The following WLS variants were observed in gnomAD, a reference collection of about 807,000 sequenced individuals.
The protein encoded by WLS is Wnt ligand secretion mediator, also known as protein wntless homolog.
Under a neutral mutation model 62.8 loss-of-function variants are expected in WLS, and 23 were observed. The ratio of observed to expected loss-of-function variants is 0.37; its 90% CI spans 0.26 to 0.52. The LOEUF (loss-of-function observed/expected upper bound fraction) is 0.52. WLS is among the 20% of genes least tolerant of loss of function. The pLI, the probability that WLS is intolerant of heterozygous loss-of-function variation, is 0.92. For synonymous variants in WLS, 246 were observed against 244.1 expected, an observed-to-expected ratio of 1.01 and a Z score of -0.07; for missense variants, 615 against 697.3, an observed-to-expected ratio of 0.88 and a Z score of 1.33.
intron 2 of WLS, among the ~76,000 whole-genome samples, chr1:68,173,340 C>G (rs1460153137): frequency 6.6e-6 from 1 of 152,128 alleles, no homozygotes; most frequent in East Asian, 1.9e-4. Flanking sequence ...TGCTTTCTCT[C>G]CAGGACACTG....
At chr1:68,103,096 G>A (rs753508578) in intron 11 of WLS, among the ~76,000 whole-genome samples, 2 of 152,104 alleles carry the variant, frequency 1.3e-5, no homozygotes, top group South Asian at 2.1e-4. Flanking sequence ...CCTGCCTAGC[G>A]CTCTTTCTGC....
chr1:68,169,125 CAT>C (rs1210351054), intron 2 of WLS, among the ~76,000 whole-genome samples: 1 of 152,200 alleles, frequency 6.6e-6, no homozygotes, highest in Non-Finnish European at 1.5e-5. Context: ...TGTAAGAAAA[CAT>C]ATTTCTAAGC....
At position 68,159,229 on chromosome 1, in the gene WLS, G is replaced by C; in HGVS notation, c.398C>G (p.Ser133Cys). 1 of 1,613,880 alleles carries C rather than the reference G, an allele frequency of 6.2e-7. No homozygotes were observed. Among genetic ancestry groups the C allele is most frequent in the Non-Finnish European group, 8.5e-7 (1 of 1,179,940 alleles). Residue 133 changes from serine (S) to cysteine (C), a missense_variant, in exon 3 of 12, where the codon TCC becomes TGC. Ser to Cys is a moderately radical substitution (Grantham distance 112). Coordinates refer to ENST00000262348, the MANE Select transcript of WLS (RefSeq NM_024911.7). ...ACGGTAAGCCAGGGAAACGTCCATG[G>C]AGACTTCTGCATTTTCTCCTGCAAG... is the stretch of plus-strand genomic sequence containing the variant. ...NNQIRENAEV[S>C]MDVSLAYRDD... is the part of the protein sequence containing the mutation.
chr1:68,210,560 T>C (rs150481563), intron 1 of WLS, among the ~76,000 whole-genome samples: 3 of 152,260 alleles, frequency 2.0e-5, no homozygotes, highest in African/African-American at 7.2e-5. Context: ...GTCGCTAAAA[T>C]AGAAAGATCC....
chr1:68,183,991 G>T (rs1570969317), intron 2 of WLS, among the ~76,000 whole-genome samples: 1 of 152,088 alleles, frequency 6.6e-6, no homozygotes. Context: ...GGATCAAGGC[G>T]AAACATAATG....
chr1:68,225,660 G>C (rs536265338), intron 1 of WLS, among the ~76,000 whole-genome samples: 6 of 152,100 alleles, frequency 3.9e-5, no homozygotes, highest in Admixed American at 6.5e-5. Flanking sequence ...AAAGGCCCTC[G>C]TTATTATGCA....
At chr1:68,187,128 G>A (rs1570976283) in intron 2 of WLS, among the ~76,000 whole-genome samples, 1 of 145,210 alleles carries the variant, frequency 6.9e-6, no homozygotes, top group East Asian at 2.1e-4. Context: ...CAGGAGAATG[G>A]CATGAACCCG....
At chr1:68,167,281 CCAAACCTAGATCA>C (rs1382504606) in intron 2 of WLS, among the ~76,000 whole-genome samples, 1 of 152,170 alleles carries the variant, frequency 6.6e-6, no homozygotes, top group Non-Finnish European at 1.5e-5. Context: ...AATCCCTAAT[CCAAACCTAGATCA>C]CAAAACCCAG....
At chr1:68,192,767 T>TA (rs1557510411) in intron 2 of WLS, among the ~76,000 whole-genome samples, 26 of 107,810 alleles carry the variant, frequency 2.4e-4, no homozygotes, top group Non-Finnish European at 4.0e-4. Flanking sequence ...ACTCTGTCTC[T>TA]TAAAAAAAAA....
Position 68,125,510 on chromosome 1 carries a change from C to T in WLS, c.*716G>A, listed in dbSNP as rs1646416580. The T allele has an allele frequency of 2.1e-5, 21 of 985,406 alleles. No individual in the cohort carries two copies. Among genetic ancestry groups the T allele is most frequent in the Non-Finnish European group, 1.9e-5 (16 of 829,924 alleles). 61.0% of individuals were successfully genotyped at this position (985,406 alleles called of 1,614,324 possible). A position where few individuals can be genotyped will look rare whatever the true frequency, so the allele number is the denominator to read the frequency against. On this transcript the variant is annotated 3_prime_UTR_variant, in exon 12 of 12. Transcript: ENST00000262348. ...CAAGAAGTTAAAAAAGCTTTTCAGACCCGAAGGCCATTTAATACAGTAAAT... is the reference window on the plus strand; with the variant it reads ...CAAGAAGTTAAAAAAGCTTTTCAGATCCGAAGGCCATTTAATACAGTAAAT...
chr1:68,128,002 G>A (rs1440631356), intron 11 of WLS, among the ~76,000 whole-genome samples: 1 of 152,148 alleles, frequency 6.6e-6, no homozygotes, highest in Non-Finnish European at 1.5e-5. Flanking sequence ...ATGCCACCCT[G>A]TAAGCTCTCT....
chr1:68,136,915 C>G (rs1480271202), intron 11 of WLS, among the ~76,000 whole-genome samples: 1 of 152,184 alleles, frequency 6.6e-6, no homozygotes, highest in African/African-American at 2.4e-5. Flanking sequence ...CACTAGAGCA[C>G]TGATTTGAGA....
intron 1 of WLS, among the ~76,000 whole-genome samples, chr1:68,230,365 A>G (rs1250677443): frequency 2.0e-5 from 3 of 152,184 alleles, no homozygotes; most frequent in African/African-American, 4.8e-5. Flanking sequence ...CACTGAAATC[A>G]CACAAGATCC....
At position 68,137,857 on chromosome 1, in the gene WLS, A is replaced by G. The variant is rs1292674921; in HGVS notation, c.1439T>C (p.Met480Thr). ...CAGAGCAAAGACATACAGATTCCACATCCCATAGATGCCTGTGAAAAAGGC... is the reference window on the plus strand; with the variant it reads ...CAGAGCAAAGACATACAGATTCCACGTCCCATAGATGCCTGTGAAAAAGGC... ...NSAFFTGIYG[M>T]WNLYVFALMF... Residue 480 changes from methionine (M) to threonine (T), a missense_variant, in exon 11 of 12, where the codon ATG becomes ACG. Transcript: ENST00000262348. 1.2e-6 allele frequency: 2 copies of G among 1,614,024 alleles called. No individual in the cohort carries two copies. The highest frequency in any genetic ancestry group is 1.7e-6 in the Non-Finnish European group (2 of 1,179,906).
At chr1:68,120,694 C>CTGTGTG (rs746624063), downstream of WLS, among the ~76,000 whole-genome samples, 1,087 of 150,694 alleles carry the variant, frequency 7.2e-3, 11 homozygotes, top group East Asian at 0.055. Context: ...CTGTTAAGTT[C>CTGTGTG]TGTGTGTGTG....
intron 2 of WLS, among the ~76,000 whole-genome samples, chr1:68,190,077 A>C (rs1422750515): frequency 6.6e-6 from 1 of 152,256 alleles, no homozygotes; most frequent in African/African-American, 2.4e-5. Flanking sequence ...TTTATTCCTT[A>C]GAGTGAGTTG....
chr1:68,196,052 A>G (rs982669001), intron 1 of WLS, among the ~76,000 whole-genome samples: 6 of 151,816 alleles, frequency 4.0e-5, no homozygotes, highest in Admixed American at 2.6e-4. Flanking sequence ...AATTTTATAA[A>G]TTTATTATTT....
chr1:68,112,958 G>T (rs1461333935), intron 11 of WLS, among the ~76,000 whole-genome samples: 1 of 152,202 alleles, frequency 6.6e-6, no homozygotes. Context: ...GTCAGAACAA[G>T]GTTGAGGCCA....
intron 11 of WLS, among the ~76,000 whole-genome samples, chr1:68,112,109 T>C (rs1040525717): frequency 1.1e-4 from 16 of 152,200 alleles, no homozygotes; most frequent in African/African-American, 3.1e-4. Context: ...GCCAACTGGG[T>C]CAGCGCCAGC....
Sources: gnomAD v4.1 joint callset for allele counts (sites outside exome capture counted in the v4.1 genomes callset) on GRCh38, gnomAD v4.1.1 for gene constraint, MANE v1.5 for transcripts, NCBI Gene and HGNC (gene_info 2026-07-23, HGNC 2026-07-21) for gene names.